Variants in SF3A2 observed in about 807,000 individuals in gnomAD.
SF3A2 encodes splicing factor 3a subunit 2.
SF3A2 carries 5 observed loss-of-function variants against 31.1 expected under a neutral mutation model. The ratio of observed to expected loss-of-function variants is 0.16; its 90% CI spans 0.08 to 0.34. The LOEUF (loss-of-function observed/expected upper bound fraction) is 0.34, where lower values mean the gene tolerates loss of function less well. SF3A2 is among the 10% of genes least tolerant of loss of function. The pLI, the probability that SF3A2 is intolerant of heterozygous loss-of-function variation, is 1.00. For missense variants in SF3A2, 577 were observed against 643.9 expected (o/e 0.90, Z 1.13); for synonymous variants, 365 against 263.7 (o/e 1.38, Z -3.72).
chr19:2,239,660 T>C (rs1178184170), intron 1 of SF3A2, among the ~76,000 whole-genome samples: 2 of 152,222 alleles, frequency 1.3e-5, no homozygotes, highest in East Asian at 1.9e-4. Flanking sequence ...AATGTTCTTA[T>C]GTTATTTCTG....
Position 2,247,906 on chromosome 19 carries a change from C to T in SF3A2, c.755C>T (p.Pro252Leu). 1 of 1,578,944 alleles carries T rather than the reference C, an allele frequency of 6.3e-7. No individual in the cohort carries two copies. The highest frequency in any genetic ancestry group is 8.6e-7 in the Non-Finnish European group (1 of 1,162,876). The change falls in exon 9 of 9, where the codon CCA (proline) becomes CTA (leucine). Residue 252 changes from proline to leucine, a missense_variant. Around this residue, in one of 6 missense-constraint regions of SF3A2, gnomAD observed 462 missense variants for 339.1 expected, o/e 1.36. Transcript: ENST00000221494. Reference protein sequence around the residue: ...PPRPPLPESLPPPPPGGLPLP... With the variant: ...PPRPPLPESLLPPPPGGLPLP... ...CGGCCACCGCTGCCTGAGTCTTTGC[C>T]ACCGCCCCCGCCAGGAGGCCTGCCT...
At chr19:2,238,557 C>T (rs2024860720) in intron 1 of SF3A2, among the ~76,000 whole-genome samples, 1 of 152,282 alleles carries the variant, frequency 6.6e-6, no homozygotes, top group African/African-American at 2.4e-5. Flanking sequence ...GTTGTGTTTT[C>T]TAAATAAGAT....
chr19:2,238,059 A>G (rs1189050282), intron 1 of SF3A2, among the ~76,000 whole-genome samples: 1 of 152,114 alleles, frequency 6.6e-6, no homozygotes, highest in Non-Finnish European at 1.5e-5. Context: ...TTGCTCTGTC[A>G]CCCAGGCTGG....
intron 1 of SF3A2, among the ~76,000 whole-genome samples, chr19:2,242,948 G>T (rs2024903644): frequency 6.6e-6 from 1 of 152,224 alleles, no homozygotes; most frequent in Non-Finnish European, 1.5e-5. Flanking sequence ...TAGCCAACCA[G>T]AGAGGGAATT....
intron 7 of SF3A2, 176 bp downstream of exon 7, chr19:2,247,198 G>A (rs1874199028): frequency 3.8e-5 from 2 of 53,146 alleles, no homozygotes; most frequent in Non-Finnish European, 7.1e-5. Flanking sequence ...GGGCTCTGCA[G>A]GAGGGCCTGC....
In SF3A2 at chr19:2,245,238, C is replaced by T. The variant is rs1053411495; in HGVS notation, c.246-208C>T. 10 of 546,968 alleles carry T rather than the reference C, an allele frequency of 1.8e-5. No individual in the cohort carries two copies. In the South Asian group the frequency reaches 2.2e-4, roughly 12 times the overall value. 33.9% of individuals were successfully genotyped at this position (546,968 alleles called of 1,614,324 possible). On this transcript the variant is annotated intron_variant, in intron 4 of 8. Coordinates refer to ENST00000221494, the MANE Select transcript of SF3A2 (RefSeq NM_007165.5). This position sits in a 1 kb window ranked among gnomAD's most constrained non-coding sequence, Gnocchi z 4.2. ...ATGGAGTTGTTGGAAGGGCCCCAGC[C>T]AGGGACAGTGAGGAGCATGACAGGA...
Position 2,248,506 on chromosome 19 carries a change from A to G in SF3A2, c.1355A>G (p.Glu452Gly). The change falls in exon 9 of 9, where the codon GAA becomes GGA. Residue 452 changes from glutamate to glycine, a missense_variant. Physicochemically the swap from Glu to Gly is moderately conservative, Grantham distance 98. Around this residue, in one of 6 missense-constraint regions of SF3A2, gnomAD observed 462 missense variants for 339.1 expected, o/e 1.36. Transcript: ENST00000221494. ...ATGCTGAGGCCCCCACTTCCCTCCG[A>G]AGGCCCAGGGAACATACCTCCCCCT... ...PPMLRPPLPS[E>G]GPGNIPPPPP... 1 of 1,112,938 alleles carries G rather than the reference A, an allele frequency of 9.0e-7. No homozygotes were observed. Among genetic ancestry groups the G allele is most frequent in the Non-Finnish European group, 1.1e-6 (1 of 880,950 alleles). The allele number at this position is 1,112,938 out of a possible 1,614,324, so 68.9% of individuals were successfully genotyped here.
intron 7 of SF3A2, 101 bp downstream of exon 7, chr19:2,247,123 C>G: frequency 6.7e-7 from 1 of 1,485,612 alleles, no homozygotes; most frequent in Non-Finnish European, 8.9e-7. Flanking sequence ...CTTGGGGTCC[C>G]CTGGGCCCCC....
rs1258170987 is a variant in SF3A2, at chr19:2,245,185, AT to A, written c.246-259del. The A allele has an allele frequency of 2.1e-6, 1 of 476,604 alleles. No homozygotes were observed. The highest frequency in any genetic ancestry group is 3.7e-6 in the Non-Finnish European group (1 of 269,388). The allele number at this position is 476,604 out of a possible 1,614,324, so 29.5% of individuals were successfully genotyped here. A position where few individuals can be genotyped will look rare whatever the true frequency, so the allele number is the denominator to read the frequency against. ...GGCGACAGAGTGAGACTCTTGTCTTATTAAAAAAAAAAAAAAAGAGCAGAGG... is the reference window on the plus strand; with the variant it reads ...GGCGACAGAGTGAGACTCTTGTCTTATAAAAAAAAAAAAAAAGAGCAGAGG... On this transcript the variant is annotated intron_variant, in intron 4 of 8. Transcript: ENST00000221494. This position sits in a 1 kb window ranked among gnomAD's most constrained non-coding sequence, Gnocchi z 4.2.
chr19:2,238,984 G>T (rs535911148), intron 1 of SF3A2, among the ~76,000 whole-genome samples: 1 of 152,224 alleles, frequency 6.6e-6, no homozygotes, highest in Non-Finnish European at 1.5e-5. Flanking sequence ...TTTTCGGGGG[G>T]TGGGGGAAGT....
chr19:2,247,928 GC>G lies in SF3A2; in HGVS notation c.779del (p.Pro260LeufsTer186). Reference sequence around the variant, plus strand: ...TGCCACCGCCCCCGCCAGGAGGCCTGCCTCTGCCACCCATGCCCCCCACAGG... The same window carrying G: ...TGCCACCGCCCCCGCCAGGAGGCCTGCTCTGCCACCCATGCCCCCCACAGG... ...SLPPPPPGGL[P>X]LPPMPPTGPA... On this transcript the variant is annotated frameshift_variant, in exon 9 of 9. Coordinates refer to ENST00000221494, the MANE Select transcript of SF3A2 (RefSeq NM_007165.5). LOFTEE classifies it low-confidence loss of function (END_TRUNC). 1 of 1,545,512 alleles carries G rather than the reference GC, an allele frequency of 6.5e-7. No homozygotes were observed. Among genetic ancestry groups the G allele is most frequent in the Non-Finnish European group, 8.8e-7 (1 of 1,136,876 alleles).
In SF3A2 at chr19:2,248,173, C is replaced by A; in HGVS notation, c.1022C>A (p.Pro341His). 6.8e-7 allele frequency: 1 copy of A among 1,477,244 alleles called. No homozygotes were observed. The highest frequency in any genetic ancestry group is 2.4e-5 in the East Asian group (1 of 41,176). The allele number at this position is 1,477,244 out of a possible 1,614,324, so 91.5% of individuals were successfully genotyped here. A position where few individuals can be genotyped will look rare whatever the true frequency, so the allele number is the denominator to read the frequency against. Reference sequence around the variant, plus strand: ...GCTCCTGGAGTCCACCCTCCAGCCCCCGGGGTTCACCCACCAGCCCCCGGA... The same window carrying A: ...GCTCCTGGAGTCCACCCTCCAGCCCACGGGGTTCACCCACCAGCCCCCGGA... ...PPAPGVHPPA[P>H]GVHPPAPGVH... Residue 341 changes from proline (P) to histidine (H), a missense_variant, in exon 9 of 9, where the codon CCC becomes CAC. This residue lies in a region of SF3A2 where 462 missense variants were observed against 339.1 expected (regional missense o/e 1.36). Coordinates refer to ENST00000221494, the MANE Select transcript of SF3A2 (RefSeq NM_007165.5).
intron 2 of SF3A2, among the ~76,000 whole-genome samples, chr19:2,244,236 C>T (rs1262376493): frequency 2.0e-5 from 3 of 152,258 alleles, no homozygotes; most frequent in East Asian, 1.9e-4. Context: ...GAGTGACCGG[C>T]GGTGCTGTCC....
chr19:2,240,634 C>T (rs974410290), intron 1 of SF3A2, among the ~76,000 whole-genome samples: 16 of 152,224 alleles, frequency 1.1e-4, no homozygotes, highest in East Asian at 1.9e-4. Context: ...AGCCACTGGC[C>T]GCTGGGGCGT....
chr19:2,244,693 C>A (rs117374034), intron 3 of SF3A2, 40 bp from the exon 4 acceptor site: 2 of 1,613,192 alleles, frequency 1.2e-6, no homozygotes, highest in South Asian at 2.2e-5. Context: ...TGTGTCTGTC[C>A]GCCCGGCCTC....
chr19:2,247,735 C>A (rs530206067), intron 8 of SF3A2, 32 bp from the exon 9 acceptor site: 38 of 1,611,446 alleles, frequency 2.4e-5, no homozygotes, highest in Non-Finnish European at 2.9e-5. Context: ...TAGCCCCACC[C>A]GTGCCTGCTG....
At chr19:2,239,512 T>C (rs1477540337) in intron 1 of SF3A2, among the ~76,000 whole-genome samples, 4 of 152,210 alleles carry the variant, frequency 2.6e-5, no homozygotes, top group Non-Finnish European at 5.9e-5. Flanking sequence ...GCTTAACATC[T>C]TCCTTGGTGT....
chr19:2,238,198 A>G (rs1424084208), intron 1 of SF3A2, among the ~76,000 whole-genome samples: 1 of 152,006 alleles, frequency 6.6e-6, no homozygotes, highest in Non-Finnish European at 1.5e-5. Context: ...GAATTTTTGT[A>G]TTTTTTGTAG....
rs955507943 is a variant in SF3A2, at chr19:2,246,319, G to A, written c.356-434G>A. On this transcript the variant is annotated intron_variant, in intron 5 of 8. Transcript: ENST00000221494. The surrounding 1 kb of genome is among the most constrained non-coding windows in gnomAD (Gnocchi z 5.5). ...GGCAGGCAGCCCAGCAGCCATTCTC[G>A]GGGTCCAGGCTGCTGAGCTCTGGCG... Among the ~76,000 whole-genome samples the A allele has an allele frequency of 1.3e-5, 2 of 152,106 alleles. No individual in the cohort carries two copies. Among genetic ancestry groups the A allele is most frequent in the Non-Finnish European group, 2.9e-5 (2 of 67,998 alleles).
Sources: gnomAD v4.1 joint callset for allele counts (sites outside exome capture counted in the v4.1 genomes callset) on GRCh38, gnomAD v4.1.1 for gene constraint, gnomAD v4.1.1 regional missense constraint, Gnocchi (gnomAD v3.1) non-coding constraint, MANE v1.5 for transcripts, NCBI Gene and HGNC (gene_info 2026-07-23, HGNC 2026-07-21) for gene names.